The following DRC8 variants were observed in gnomAD, a reference collection of about 807,000 sequenced individuals.
DRC8 encodes the protein dynein regulatory complex subunit 8, also known as dynein regulatory complex protein 8.
At chr1:244,975,721 G>A in the DRC8 span, among the ~76,000 whole-genome samples, 5 of 152,002 alleles carry the variant, frequency 3.3e-5, no homozygotes, top group African/African-American at 9.6e-5. Flanking sequence ...TTAGCTGAGT[G>A]TGGTGGCGCG....
the DRC8 span, among the ~76,000 whole-genome samples, chr1:245,107,803 C>CCCCAG: frequency 6.6e-6 from 1 of 152,176 alleles, no homozygotes; most frequent in African/African-American, 2.4e-5. Flanking sequence ...CCACTACCAA[C>CCCCAG]CCCAGCCCAG....
At chr1:245,033,685 G>C in the DRC8 span, among the ~76,000 whole-genome samples, 3 of 151,856 alleles carry the variant, frequency 2.0e-5, no homozygotes, top group Non-Finnish European at 2.9e-5. Flanking sequence ...ATTGTCTTTT[G>C]TTTTCTTTTC....
the DRC8 span, among the ~76,000 whole-genome samples, chr1:245,065,342 C>T: frequency 6.6e-6 from 1 of 151,972 alleles, no homozygotes; most frequent in Non-Finnish European, 1.5e-5. Context: ...TATGAGCCAC[C>T]GCGCCCAGCC....
the DRC8 span, among the ~76,000 whole-genome samples, chr1:245,103,675 C>T: frequency 6.6e-6 from 1 of 151,700 alleles, no homozygotes; most frequent in African/African-American, 2.4e-5. Flanking sequence ...TTTCAGTCCT[C>T]CACCCTGTGA....
the DRC8 span, among the ~76,000 whole-genome samples, chr1:244,989,274 A>AT: frequency 6.6e-6 from 1 of 151,982 alleles, no homozygotes; most frequent in East Asian, 1.9e-4. Flanking sequence ...CTTTACTCAG[A>AT]TTTTCTTAAT....
At chr1:245,008,132 C>T in the DRC8 span, among the ~76,000 whole-genome samples, 1 of 151,286 alleles carries the variant, frequency 6.6e-6, no homozygotes, top group Non-Finnish European at 1.5e-5. Flanking sequence ...GCCATGGTCT[C>T]ACCACAGCAC....
chr1:245,098,965 A>G, the DRC8 span, among the ~76,000 whole-genome samples: 2 of 152,222 alleles, frequency 1.3e-5, no homozygotes, highest in Admixed American at 1.3e-4. Context: ...ATCAGAAAAG[A>G]ATGAACGGGC....
the DRC8 span, among the ~76,000 whole-genome samples, chr1:244,999,985 A>C: frequency 6.6e-6 from 1 of 151,904 alleles, no homozygotes; most frequent in East Asian, 1.9e-4. Flanking sequence ...CACTCAGCTA[A>C]TTTTTGTATT....
At chr1:245,086,754 T>C in the DRC8 span, 1 of 533,370 alleles carries the variant, frequency 1.9e-6, no homozygotes. Flanking sequence ...ATCACCCCCA[T>C]TCTAGAGACA....
the DRC8 span, among the ~76,000 whole-genome samples, chr1:245,112,538 G>T: frequency 6.6e-6 from 1 of 152,096 alleles, no homozygotes; most frequent in Non-Finnish European, 1.5e-5. Flanking sequence ...GTGAAAGCAG[G>T]TAACTTTTAA....
the DRC8 span, among the ~76,000 whole-genome samples, chr1:244,998,395 G>A: frequency 6.0e-4 from 92 of 152,104 alleles, no homozygotes; most frequent in African/African-American, 2.1e-3. Flanking sequence ...TTTATTTTTA[G>A]TAGAGATGAG....
the DRC8 span, among the ~76,000 whole-genome samples, chr1:245,074,024 A>G: frequency 6.6e-6 from 1 of 152,238 alleles, no homozygotes; most frequent in Non-Finnish European, 1.5e-5. Context: ...AAAATGCAAA[A>G]ATAAAGAGCA....
the DRC8 span, among the ~76,000 whole-genome samples, chr1:244,990,561 G>A: frequency 9.2e-5 from 14 of 152,224 alleles, no homozygotes; most frequent in South Asian, 6.2e-4. Context: ...TATTCATTTT[G>A]TTGCTCAAAT....
the DRC8 span, among the ~76,000 whole-genome samples, chr1:244,977,348 G>C: frequency 6.6e-6 from 1 of 152,126 alleles, no homozygotes. Context: ...GAAAGAAATG[G>C]TACATTGTTT....
chr1:245,066,868 G>C, the DRC8 span, among the ~76,000 whole-genome samples: 3 of 151,794 alleles, frequency 2.0e-5, no homozygotes, highest in Non-Finnish European at 2.9e-5. Context: ...GATTGCGCCA[G>C]TGCACTCCAG....
At chr1:244,995,197 C>T in the DRC8 span, among the ~76,000 whole-genome samples, 36 of 152,110 alleles carry the variant, frequency 2.4e-4, no homozygotes, top group African/African-American at 8.7e-4. Flanking sequence ...CCCGTCTCTA[C>T]TAAAAATACA....
chr1:245,023,808 A>G, the DRC8 span, among the ~76,000 whole-genome samples: 94 of 152,262 alleles, frequency 6.2e-4, no homozygotes, highest in African/African-American at 2.2e-3. Flanking sequence ...CGTGAATGGT[A>G]TGATACTATA....
the DRC8 span, among the ~76,000 whole-genome samples, chr1:245,006,655 C>T: frequency 2.0e-5 from 3 of 152,006 alleles, no homozygotes; most frequent in Non-Finnish European, 2.9e-5. Flanking sequence ...AGTAGATGGC[C>T]GGGTGCACTG....
chr1:245,046,580 A>T, the DRC8 span, among the ~76,000 whole-genome samples: 3 of 152,202 alleles, frequency 2.0e-5, no homozygotes, highest in African/African-American at 7.2e-5. Flanking sequence ...CGATGCGAGG[A>T]TAGTGCATAG....
Sources: allele counts gnomAD v4.1 joint callset (sites outside exome capture counted in the v4.1 genomes callset), GRCh38; gene constraint gnomAD v4.1.1; transcripts MANE v1.5; gene names NCBI Gene and HGNC (gene_info 2026-07-23, HGNC 2026-07-21).